TAF4B: variants seen among roughly 807,000 people sequenced by gnomAD.
The protein encoded by TAF4B is TATA-box binding protein associated factor 4b, also known as transcription initiation factor TFIID subunit 4B.
A neutral mutation model predicts 86.4 loss-of-function variants in TAF4B; 38 were observed. That is an observed-to-expected ratio of 0.44 (90% confidence interval 0.34 to 0.58). TAF4B has a LOEUF of 0.58. TAF4B is among the 20% of genes least tolerant of loss of function. TAF4B has a pLI of 0.02. For synonymous variants in TAF4B, 388 were observed against 391.2 expected (o/e 0.99, Z 0.10); for missense variants, 988 against 1,027.6 (o/e 0.96, Z 0.53).
intron 14 of TAF4B, among the ~76,000 whole-genome samples, chr18:26,358,507 G>A (rs991709219): frequency 1.4e-4 from 22 of 152,078 alleles, no homozygotes; most frequent in East Asian, 1.3e-3. Context: ...TCAGGAGATC[G>A]AGACCATCCT....
At chr18:26,333,365 T>C (rs1421015896) in intron 12 of TAF4B, among the ~76,000 whole-genome samples, 1 of 150,366 alleles carries the variant, frequency 6.7e-6, no homozygotes, top group African/African-American at 2.5e-5. Context: ...GGACTACAGG[T>C]GCATGCCACC....
At chr18:26,347,881 A>G (rs1462292748) in intron 13 of TAF4B, among the ~76,000 whole-genome samples, 3 of 152,270 alleles carry the variant, frequency 2.0e-5, no homozygotes, top group Non-Finnish European at 2.9e-5. Flanking sequence ...TTGTGAATAT[A>G]TATGTGTACC....
chr18:26,278,406 G>A (rs556838510), intron 5 of TAF4B, among the ~76,000 whole-genome samples: 5 of 152,010 alleles, frequency 3.3e-5, no homozygotes, highest in Admixed American at 6.6e-5. Flanking sequence ...ACGGGCTCAA[G>A]GGCTCCTTCC....
At chr18:26,257,842 C>CGTGTGTGTGTGT (rs57275139) in intron 1 of TAF4B, among the ~76,000 whole-genome samples, 38 of 141,436 alleles carry the variant, frequency 2.7e-4, no homozygotes, top group East Asian at 6.5e-4. Flanking sequence ...CCTCTGCGTG[C>CGTGTGTGTGTGT]GTGTGTGTGT....
intron 1 of TAF4B, among the ~76,000 whole-genome samples, chr18:26,263,379 C>T (rs1023443379): frequency 2.0e-5 from 3 of 152,018 alleles, no homozygotes; most frequent in East Asian, 3.9e-4. Flanking sequence ...GTTAGAATTC[C>T]GTTGATACAC....
intron 7 of TAF4B, among the ~76,000 whole-genome samples, chr18:26,289,680 G>A (rs2056568976): frequency 6.6e-6 from 1 of 152,096 alleles, no homozygotes; most frequent in Non-Finnish European, 1.5e-5. Flanking sequence ...GTAGAGACGG[G>A]GTTTCGCTGT....
intron 5 of TAF4B, among the ~76,000 whole-genome samples, chr18:26,277,650 TA>T (rs57381955): frequency 0.076 from 11,641 of 152,190 alleles, 1,393 homozygotes; most frequent in African/African-American, 0.26. Flanking sequence ...GAATAGTGAT[TA>T]TTTTTTTAAA....
chr18:26,227,997 GACAA>G (rs1171042414), intron 1 of TAF4B, among the ~76,000 whole-genome samples: 4 of 152,202 alleles, frequency 2.6e-5, no homozygotes, highest in African/African-American at 9.6e-5. Context: ...TGCCACAGTT[GACAA>G]ACAGATCAGT....
intron 1 of TAF4B, among the ~76,000 whole-genome samples, chr18:26,264,087 C>G (rs1258221657): frequency 3.9e-5 from 6 of 151,986 alleles, no homozygotes; most frequent in Non-Finnish European, 8.8e-5. Flanking sequence ...TTGGGGAGTG[C>G]CTTTGTAATA....
chr18:26,238,170 G>A (rs963787571), intron 1 of TAF4B, among the ~76,000 whole-genome samples: 1 of 152,102 alleles, frequency 6.6e-6, no homozygotes, highest in Admixed American at 6.6e-5. Flanking sequence ...CGGATTTAGT[G>A]GGCCTTATTG....
chr18:26,356,903 T>C (rs2057292758), intron 13 of TAF4B, among the ~76,000 whole-genome samples: 1 of 151,928 alleles, frequency 6.6e-6, no homozygotes, highest in South Asian at 2.1e-4. Context: ...CCCTGTATAG[T>C]TTTGCCCACA....
At chr18:26,232,573 C>T (rs1018261210) in intron 1 of TAF4B, among the ~76,000 whole-genome samples, 11 of 152,206 alleles carry the variant, frequency 7.2e-5, no homozygotes, top group African/African-American at 2.2e-4. Flanking sequence ...TGTCGCCCAA[C>T]TCCAGAGGTT....
At chr18:26,349,090 A>G (rs1157080246) in intron 13 of TAF4B, 1 of 152,178 alleles carries the variant, frequency 6.6e-6, no homozygotes, top group Non-Finnish European at 1.5e-5. Flanking sequence ...ATAACAAAGG[A>G]TTTTTTTAAA....
At chr18:26,238,746 C>T (rs1453825354) in intron 1 of TAF4B, among the ~76,000 whole-genome samples, 1 of 152,058 alleles carries the variant, frequency 6.6e-6, no homozygotes. Flanking sequence ...CCCTTCCTCC[C>T]ACCCCACGAC....
intron 6 of TAF4B, among the ~76,000 whole-genome samples, chr18:26,284,880 A>G (rs1284677751): frequency 6.6e-6 from 1 of 152,236 alleles, no homozygotes; most frequent in African/African-American, 2.4e-5. Flanking sequence ...ATAAGAAAAA[A>G]GAAAATATGC....
chr18:26,319,570 A>G (rs959368162), intron 10 of TAF4B, among the ~76,000 whole-genome samples: 3 of 139,168 alleles, frequency 2.2e-5, no homozygotes, highest in African/African-American at 7.9e-5. Context: ...CTATTTGTTT[A>G]TGCTGAGGGT....
At chr18:26,327,381 A>T (rs962654195) in intron 12 of TAF4B, among the ~76,000 whole-genome samples, 1 of 152,204 alleles carries the variant, frequency 6.6e-6, no homozygotes, top group East Asian at 1.9e-4. Flanking sequence ...CCCATCCTCA[A>T]ACCCAGGTAA....
chr18:26,354,517 G>A (rs183242084), intron 13 of TAF4B, among the ~76,000 whole-genome samples: 167 of 152,304 alleles, frequency 1.1e-3, no homozygotes, highest in Admixed American at 1.7e-3. Context: ...TAGCAGTCTT[G>A]AGTTTTTTCA....
At position 26,391,164 on chromosome 18, in the gene TAF4B, A is replaced by G. The variant is rs1978684765; in HGVS notation, c.*1152A>G. 6.6e-6 allele frequency: 1 copy of G among 151,870 alleles called. No homozygotes were observed. Among genetic ancestry groups the G allele is most frequent in the Non-Finnish European group, 1.5e-5 (1 of 67,990 alleles). The allele number at this position is 151,870 out of a possible 1,614,324, so 9.4% of individuals were successfully genotyped here. A position where few individuals can be genotyped will look rare whatever the true frequency, so the allele number is the denominator to read the frequency against. On this transcript the variant is annotated 3_prime_UTR_variant, in exon 15 of 15. Coordinates refer to ENST00000269142, the MANE Select transcript of TAF4B (RefSeq NM_005640.3). ...GAGCTCTAAATATGAGAAGCAAGTT[A>G]TATGTGTTCACCTGAGGAAGAAGCT...
Sources: allele counts gnomAD v4.1 joint callset (sites outside exome capture counted in the v4.1 genomes callset), GRCh38; gene constraint gnomAD v4.1.1; transcripts MANE v1.5; gene names NCBI Gene and HGNC (gene_info 2026-07-23, HGNC 2026-07-21).